Variants in SLC8A1 observed in about 807,000 individuals in gnomAD.
SLC8A1 encodes the protein solute carrier family 8 member A1, also known as sodium/calcium exchanger 1.
SLC8A1 carries 18 observed loss-of-function variants against 68.3 expected under a neutral mutation model. The observed-to-expected ratio is 0.26, with a 90% CI of 0.18 to 0.39. SLC8A1 has a LOEUF of 0.39. SLC8A1 is among the 10% of genes least tolerant of loss of function. SLC8A1 has a pLI of 1.00. For synonymous variants in SLC8A1, 475 were observed against 415.5 expected (o/e 1.14, Z -1.74); for missense variants, 985 against 1,156.7 (o/e 0.85, Z 2.15).
intron 2 of SLC8A1, among the ~76,000 whole-genome samples, chr2:40,332,918 C>A (rs1575477332): frequency 6.6e-6 from 1 of 152,166 alleles, no homozygotes; most frequent in Non-Finnish European, 1.5e-5. Flanking sequence ...TCTGGACCTC[C>A]TAAGGTTTTT....
intron 1 of SLC8A1, among the ~76,000 whole-genome samples, chr2:40,473,435 C>T (rs1232077011): frequency 6.6e-6 from 1 of 152,142 alleles, no homozygotes; most frequent in Non-Finnish European, 1.5e-5. Context: ...CTCTCCCCTA[C>T]TTGATTTTTC....
At chr2:40,125,536 T>C (rs188466130) in intron 7 of SLC8A1, among the ~76,000 whole-genome samples, 2 of 152,352 alleles carry the variant, frequency 1.3e-5, no homozygotes, top group East Asian at 3.9e-4. Flanking sequence ...ATCTTCTCTC[T>C]TAATTTTATA....
chr2:40,483,962 A>T (rs1486721245), intron 1 of SLC8A1, among the ~76,000 whole-genome samples: 9 of 152,194 alleles, frequency 5.9e-5, no homozygotes, highest in African/African-American at 2.2e-4. Context: ...ATTTATTGTG[A>T]GTTTCTGTCA....
chr2:40,306,064 C>G (rs981904527), intron 2 of SLC8A1, among the ~76,000 whole-genome samples: 1 of 152,150 alleles, frequency 6.6e-6, no homozygotes, highest in African/African-American at 2.4e-5. Context: ...AAGGAACTGT[C>G]TATTCTGGGA....
chr2:40,401,795 G>T (rs1688833099), intron 2 of SLC8A1, among the ~76,000 whole-genome samples: 1 of 152,102 alleles, frequency 6.6e-6, no homozygotes, highest in South Asian at 2.1e-4. Flanking sequence ...TTTTGGGTGT[G>T]TGGTTATGAG....
intron 2 of SLC8A1, among the ~76,000 whole-genome samples, chr2:40,303,826 A>G (rs1266774957): frequency 6.6e-6 from 1 of 152,188 alleles, no homozygotes; most frequent in Non-Finnish European, 1.5e-5. Context: ...GACATACACA[A>G]TTGCTGAAGG....
At chr2:40,407,344 G>A (rs370206813) in intron 2 of SLC8A1, among the ~76,000 whole-genome samples, 1 of 152,186 alleles carries the variant, frequency 6.6e-6, no homozygotes, top group Non-Finnish European at 1.5e-5. Flanking sequence ...GGGACTACAG[G>A]CATAAGCCAC....
intron 7 of SLC8A1, among the ~76,000 whole-genome samples, chr2:40,130,968 C>A (rs1161042583): frequency 6.6e-6 from 1 of 152,158 alleles, no homozygotes; most frequent in African/African-American, 2.4e-5. Flanking sequence ...TCAATTGCTG[C>A]AATGTAGCTA....
At chr2:40,355,678 G>A (rs914460086) in intron 2 of SLC8A1, among the ~76,000 whole-genome samples, 1 of 152,086 alleles carries the variant, frequency 6.6e-6, no homozygotes, top group African/African-American at 2.4e-5. Context: ...TCAAAATCCA[G>A]CTCGCTTTAA....
intron 2 of SLC8A1, among the ~76,000 whole-genome samples, chr2:40,405,895 C>G (rs114849045): frequency 3.0e-4 from 46 of 152,236 alleles, no homozygotes; most frequent in African/African-American, 1.1e-3. Context: ...CTTACATTTC[C>G]ATAAATTTGC....
At chr2:40,144,641 C>T (rs867752477) in intron 6 of SLC8A1, among the ~76,000 whole-genome samples, 10 of 151,520 alleles carry the variant, frequency 6.6e-5, no homozygotes, top group Middle Eastern at 3.4e-3. Flanking sequence ...TTTCTAGATA[C>T]GATTTTTGGG....
intron 7 of SLC8A1, among the ~76,000 whole-genome samples, chr2:40,126,498 G>T (rs1261089422): frequency 2.0e-5 from 3 of 152,222 alleles, no homozygotes; most frequent in East Asian, 1.9e-4. Flanking sequence ...GGTGGTAGGG[G>T]AGCTCATATG....
At chr2:40,485,713 A>G (rs1704926166) in intron 1 of SLC8A1, among the ~76,000 whole-genome samples, 1 of 152,194 alleles carries the variant, frequency 6.6e-6, no homozygotes, top group South Asian at 2.1e-4. Flanking sequence ...TAGAGTAATT[A>G]CCACTTCAAA....
At chr2:40,437,661 A>G (rs1188329091) in intron 1 of SLC8A1, among the ~76,000 whole-genome samples, 1 of 152,174 alleles carries the variant, frequency 6.6e-6, no homozygotes, top group Non-Finnish European at 1.5e-5. Flanking sequence ...TAATAACAAT[A>G]ATTCAGTATT....
In SLC8A1 at chr2:40,397,768, T is replaced by A. The variant is rs528852185; in HGVS notation, c.1808+30705A>T. On this transcript the variant is annotated intron_variant, in intron 2 of 7. Transcript: ENST00000406785. ...GAATCAATAGAAACAGAGATCCAGG[T>A]CAAAGAAAAATATTATCTTTCTTCC... Among the ~76,000 whole-genome samples the A allele has an allele frequency of 2.6e-5, 4 of 152,280 alleles. No homozygotes were observed. The East Asian group carries it at 7.7e-4, about 29-fold the overall frequency.
At chr2:40,457,973 C>A (rs1435218983) in intron 1 of SLC8A1, among the ~76,000 whole-genome samples, 1 of 152,164 alleles carries the variant, frequency 6.6e-6, no homozygotes, top group Non-Finnish European at 1.5e-5. Context: ...TAAAAAAATA[C>A]TGAAAGCTGG....
chr2:40,255,933 T>A (rs531544472), intron 2 of SLC8A1, among the ~76,000 whole-genome samples: 2 of 147,994 alleles, frequency 1.4e-5, no homozygotes, highest in Non-Finnish European at 3.0e-5. Flanking sequence ...TGAGTCCACA[T>A]GTATTTAGAA....
intron 7 of SLC8A1, 55 bp from the exon 11 acceptor site, chr2:40,115,684 G>T: frequency 6.4e-7 from 1 of 1,559,462 alleles, no homozygotes; most frequent in South Asian, 1.2e-5. Context: ...GATGTCTTTG[G>T]AGTGCTGCAA....
chr2:40,358,098 C>T (rs1037964052), intron 2 of SLC8A1, among the ~76,000 whole-genome samples: 1 of 150,548 alleles, frequency 6.6e-6, no homozygotes, highest in Admixed American at 6.6e-5. Context: ...GTGACCTAGC[C>T]CTCATTCCTG....
Sources: gnomAD v4.1 joint callset for allele counts (sites outside exome capture counted in the v4.1 genomes callset) on GRCh38, gnomAD v4.1.1 for gene constraint, MANE v1.5 for transcripts, NCBI Gene and HGNC (gene_info 2026-07-23, HGNC 2026-07-21) for gene names.